CMBL: variants seen among roughly 807,000 people sequenced by gnomAD.
The protein encoded by CMBL is carboxymethylenebutenolidase homolog.
In CMBL, 17 loss-of-function variants were observed where a neutral mutation model predicts 28.7. That is an observed-to-expected ratio of 0.59 (90% confidence interval 0.41 to 0.89). The LOEUF (loss-of-function observed/expected upper bound fraction) is 0.89, where lower values mean the gene tolerates loss of function less well. Among genes scored for constraint, CMBL ranks in the 40% least tolerant of loss-of-function variants. CMBL has a pLI of 0.00. For missense variants in CMBL, 310 were observed against 298.5 expected, an observed-to-expected ratio of 1.04 and a Z score of -0.28; for synonymous variants, 106 against 101.6, an observed-to-expected ratio of 1.04 and a Z score of -0.26.
chr5:10,286,304 C>A, intron 4 of CMBL, 50 bp downstream of exon 4: 1 of 1,568,908 alleles, frequency 6.4e-7, no homozygotes, highest in South Asian at 1.2e-5. Flanking sequence ...TGTTGTCACT[C>A]TTCCACCCCT....
chr5:10,300,572 T>C (rs1746881635), intron 1 of CMBL, among the ~76,000 whole-genome samples: 1 of 152,096 alleles, frequency 6.6e-6, no homozygotes, highest in Non-Finnish European at 1.5e-5. Flanking sequence ...GGTCGAGGCA[T>C]GGTCATAGCT....
chr5:10,282,744 T>A (rs1405585750), intron 4 of CMBL, among the ~76,000 whole-genome samples: 1 of 151,966 alleles, frequency 6.6e-6, no homozygotes, highest in East Asian at 1.9e-4. Flanking sequence ...TTTGTGCCAC[T>A]GCACTCCAGC....
rs1406602798 is a variant in CMBL at position 10,289,015 on chromosome 5, T to C, written c.216-486A>G. On this transcript the variant is annotated intron_variant, in intron 2 of 5. Coordinates refer to ENST00000296658, the MANE Select transcript of CMBL (RefSeq NM_138809.4). The surrounding 1 kb of genome is among the most constrained non-coding windows in gnomAD (Gnocchi z 4.3). The stretch of plus-strand genomic sequence containing the variant: ...AAGACGGCGACGAAGCACAGTTTCC[T>C]ATCCAGAGGGTATGTTCTAAGACGG... Among the ~76,000 whole-genome samples the C allele has an allele frequency of 6.6e-6, 1 of 152,192 alleles. No homozygotes were observed. Among genetic ancestry groups the C allele is most frequent in the Non-Finnish European group, 1.5e-5 (1 of 68,030 alleles).
chr5:10,304,282 G>T (rs1466933059), intron 1 of CMBL, among the ~76,000 whole-genome samples: 1 of 152,152 alleles, frequency 6.6e-6, no homozygotes, highest in African/African-American at 2.4e-5. Flanking sequence ...GCTAGGAGGA[G>T]CACTTGGGCC....
rs1055610261 is a variant in CMBL, at chr5:10,290,797, C to T, written c.-19-16G>A. ...TTAAGTCGGGCTATGGAGAGAGAAA[C>T]ATGCGTTATATTCTGAATGCTGCAA... is the stretch of plus-strand genomic sequence containing the variant. On this transcript the variant is annotated splice_polypyrimidine_tract_variant and intron_variant, in intron 1 of 5. Coordinates refer to ENST00000296658, the MANE Select transcript of CMBL (RefSeq NM_138809.4). The T allele has an allele frequency of 3.2e-6, 5 of 1,557,446 alleles. No homozygotes were observed. The African/African-American group carries it at 5.4e-5, about 17-fold the overall frequency.
intron 1 of CMBL, among the ~76,000 whole-genome samples, chr5:10,301,485 C>A (rs1746896383): frequency 6.6e-6 from 1 of 151,350 alleles, no homozygotes; most frequent in African/African-American, 2.4e-5. Context: ...ACACCATGAC[C>A]AAAGGTAAGG....
chr5:10,288,497 T>C lies in CMBL; in HGVS notation c.248A>G (p.Glu83Gly). Residue 83 changes from glutamate (E) to glycine (G), a missense_variant, in exon 3 of 6, where the codon GAG (glutamate) becomes GGG (glycine). By Grantham distance (98) the Glu-to-Gly change is moderately conservative. Coordinates refer to ENST00000296658, the MANE Select transcript of CMBL (RefSeq NM_138809.4). ...TIVPDFFVGQ[E>G]PWDPSGDWSI... ...CCAGTCGCCAGAGGGGTCCCAAGGC[T>C]CTTGCCCTACAAAGAAGTCTGGAAC... is the stretch of plus-strand genomic sequence containing the variant. 1 of 1,614,016 alleles carries C rather than the reference T, an allele frequency of 6.2e-7. No homozygotes were observed. The highest frequency in any genetic ancestry group is 8.5e-7 in the Non-Finnish European group (1 of 1,179,880).
chr5:10,285,533 A>T (rs1746583391), intron 4 of CMBL, among the ~76,000 whole-genome samples: 2 of 152,170 alleles, frequency 1.3e-5, no homozygotes, highest in Admixed American at 1.3e-4. Flanking sequence ...CCTGGGCTCA[A>T]GCCATCTGCC....
chr5:10,289,931 G>A lies in CMBL; in HGVS notation c.215+617C>T, dbSNP rs1375948794. 6.6e-6 allele frequency among the ~76,000 whole-genome samples: 1 copy of A among 152,242 alleles called. No individual in the cohort carries two copies. The highest frequency in any genetic ancestry group is 1.5e-5 in the Non-Finnish European group (1 of 68,040). ...TGGGTTGATGCTTTCCGACGCTGGA[G>A]AGGAAGGAAGGTTCTGGCCCTCCTC... On this transcript the variant is annotated intron_variant, in intron 2 of 5. Transcript: ENST00000296658. The surrounding 1 kb of genome is among the most constrained non-coding windows in gnomAD (Gnocchi z 4.3).
At position 10,302,480 on chromosome 5, in the gene CMBL, C is replaced by T. The variant is rs1016395036; in HGVS notation, c.-20+5145G>A. The stretch of plus-strand genomic sequence containing the variant: ...CCAACATGGCAAAACCTTGTCTCTA[C>T]TAAAAAAAAAAAAAAAAAATTAGCC... On this transcript the variant is annotated intron_variant, in intron 1 of 5. Transcript: ENST00000296658. 2.7e-3 allele frequency among the ~76,000 whole-genome samples: 221 copies of T among 82,410 alleles called. 1 individual carries two copies. Among genetic ancestry groups the T allele is most frequent in the African/African-American group, 9.9e-3 (207 of 20,878 alleles). The allele number at this position is 82,410 out of a possible 152,430, so 54.1% of individuals were successfully genotyped here.
chr5:10,298,758 T>A (rs950018542), intron 1 of CMBL, among the ~76,000 whole-genome samples: 5 of 151,966 alleles, frequency 3.3e-5, no homozygotes, highest in African/African-American at 1.2e-4. Context: ...CCAGGCATGG[T>A]GGTGAGCGCC....
Position 10,307,643 on chromosome 5 carries a change from ACTGCG to A in CMBL, c.-43_-39del, listed in dbSNP as rs1747021891. The A allele has an allele frequency of 6.6e-6, 1 of 152,098 alleles. No homozygotes were observed. The highest frequency in any genetic ancestry group is 2.1e-4 in the South Asian group (1 of 4,824). The allele number at this position is 152,098 out of a possible 1,614,324, so 9.4% of individuals were successfully genotyped here. On this transcript the variant is annotated 5_prime_UTR_variant, in exon 1 of 6. Coordinates refer to ENST00000296658, the MANE Select transcript of CMBL (RefSeq NM_138809.4). ...CACGTACCTTGTCCCGCGGCCTGAG[ACTGCG>A]CTGCACCGCGCGGAGGCCGAACCCA...
intron 1 of CMBL, among the ~76,000 whole-genome samples, chr5:10,298,900 A>G (rs557395722): frequency 7.2e-5 from 11 of 152,266 alleles, no homozygotes; most frequent in Admixed American, 6.5e-4. Context: ...CTCAAAAAAC[A>G]AACAAACAAA....
chr5:10,290,856 A>G, intron 1 of CMBL, 75 bp from the exon 2 acceptor site: 1 of 1,113,888 alleles, frequency 9.0e-7, no homozygotes, highest in Non-Finnish European at 1.3e-6. Context: ...TAAACCTCAA[A>G]TCAAGATTAT....
intron 1 of CMBL, among the ~76,000 whole-genome samples, chr5:10,294,211 T>C (rs1227862511): frequency 6.6e-6 from 1 of 152,128 alleles, no homozygotes; most frequent in East Asian, 1.9e-4. Flanking sequence ...AAGAATTTAG[T>C]TTTTCCTCAG....
intron 4 of CMBL, among the ~76,000 whole-genome samples, chr5:10,285,263 G>C (rs1579470920): frequency 1.3e-5 from 2 of 152,182 alleles, no homozygotes; most frequent in East Asian, 3.9e-4. Flanking sequence ...CCACCTCCCG[G>C]GTTCAAGCGA....
chr5:10,298,085 G>A (rs996489569), intron 1 of CMBL, among the ~76,000 whole-genome samples: 2 of 151,270 alleles, frequency 1.3e-5, no homozygotes, highest in Admixed American at 1.3e-4. Context: ...AGAGAGAGGG[G>A]GTCAGATACA....
intron 1 of CMBL, among the ~76,000 whole-genome samples, chr5:10,307,031 C>T (rs185531030): frequency 6.6e-6 from 1 of 152,284 alleles, no homozygotes; most frequent in Non-Finnish European, 1.5e-5. Flanking sequence ...AAGGCCTGCC[C>T]GACCCACATG....
At chr5:10,281,802 T>A (rs1246956310) in intron 5 of CMBL, among the ~76,000 whole-genome samples, 1 of 152,234 alleles carries the variant, frequency 6.6e-6, no homozygotes, top group Non-Finnish European at 1.5e-5. Context: ...TGGAAATATT[T>A]GGAGCAACAA....
Sources: allele counts gnomAD v4.1 joint callset (sites outside exome capture counted in the v4.1 genomes callset), GRCh38; gene constraint gnomAD v4.1.1; non-coding constraint Gnocchi (gnomAD v3.1); transcripts MANE v1.5; gene names NCBI Gene and HGNC (gene_info 2026-07-23, HGNC 2026-07-21).